The following XPNPEP1 variants were observed in gnomAD, a reference collection of about 807,000 sequenced individuals.
XPNPEP1 encodes X-prolyl aminopeptidase 1, also known as xaa-Pro aminopeptidase 1.
Under a neutral mutation model 92.4 loss-of-function variants are expected in XPNPEP1, and 39 were observed. The ratio of observed to expected loss-of-function variants is 0.42; its 90% CI spans 0.33 to 0.55. The LOEUF is 0.55. XPNPEP1 is among the 20% of genes least tolerant of loss of function. The pLI, the probability that XPNPEP1 is intolerant of heterozygous loss-of-function variation, is 0.08. For synonymous variants in XPNPEP1, 307 were observed against 299.4 expected, an observed-to-expected ratio of 1.03 and a Z score of -0.26; for missense variants, 654 against 856.1, an observed-to-expected ratio of 0.76 and a Z score of 2.95.
At chr10:109,884,262 T>A (rs914920984) in intron 8 of XPNPEP1, 114 bp from the exon 9 acceptor site, 3 of 1,006,268 alleles carry the variant, frequency 3.0e-6, no homozygotes, top group African/African-American at 1.6e-5. Flanking sequence ...AAGGATTCAG[T>A]GGAATCGCAC....
At chr10:109,891,109 T>C (rs1245610546) in intron 5 of XPNPEP1, among the ~76,000 whole-genome samples, 1 of 152,196 alleles carries the variant, frequency 6.6e-6, no homozygotes, top group African/African-American at 2.4e-5. Flanking sequence ...ACAGAGTATA[T>C]ACACACATTA....
intron 20 of XPNPEP1, among the ~76,000 whole-genome samples, 158 bp downstream of exon 20, chr10:109,868,456 T>C (rs560274473): frequency 1.3e-5 from 2 of 151,978 alleles, no homozygotes; most frequent in East Asian, 3.9e-4. Context: ...TCAGAAAACC[T>C]AGGGCTTTCA....
chr10:109,901,422 T>C (rs1421158918), intron 3 of XPNPEP1, among the ~76,000 whole-genome samples: 2 of 152,154 alleles, frequency 1.3e-5, no homozygotes, highest in Admixed American at 1.3e-4. Context: ...TAAAAAAAGA[T>C]TTCCATGGTA....
intron 11 of XPNPEP1, 83 bp from the exon 12 acceptor site, chr10:109,880,321 G>T (rs1848020338): frequency 2.8e-6 from 4 of 1,415,752 alleles, no homozygotes; most frequent in Non-Finnish European, 3.0e-6. Context: ...ATGCAATACT[G>T]AGAAGGCTGT....
At position 109,864,903 on chromosome 10, in the gene XPNPEP1, G is replaced by A. The variant is rs757403122; in HGVS notation, c.*281C>T. On this transcript the variant is annotated 3_prime_UTR_variant, in exon 21 of 21. Coordinates refer to ENST00000502935, the MANE Select transcript of XPNPEP1 (RefSeq NM_020383.4). ...TTCCCCATCACTGGCCAAAGAAGTCGGGGCATCTTCCTTTCACCAAGTGTT... is the reference window on the plus strand; with the variant it reads ...TTCCCCATCACTGGCCAAAGAAGTCAGGGCATCTTCCTTTCACCAAGTGTT... 2.7e-5 allele frequency: 11 copies of A among 411,814 alleles called. No individual in the cohort carries two copies. The highest frequency in any genetic ancestry group is 1.0e-4 in the African/African-American group (5 of 49,520). The allele number at this position is 411,814 out of a possible 1,614,324, so 25.5% of individuals were successfully genotyped here. A position where few individuals can be genotyped will look rare whatever the true frequency, so the allele number is the denominator to read the frequency against.
chr10:109,891,554 T>G, intron 5 of XPNPEP1, 168 bp downstream of exon 5: 4 of 481,552 alleles, frequency 8.3e-6, no homozygotes, highest in Non-Finnish European at 1.4e-5. Flanking sequence ...TGAATGCACA[T>G]TGGTACGTAT....
chr10:109,904,505 C>T (rs1452527290), intron 3 of XPNPEP1, among the ~76,000 whole-genome samples: 1 of 151,958 alleles, frequency 6.6e-6, no homozygotes, highest in East Asian at 1.9e-4. Context: ...ATTCCATGGA[C>T]ATTTAAGTCT....
At chr10:109,882,305 C>T in intron 10 of XPNPEP1, 127 bp downstream of exon 10, 1 of 1,065,714 alleles carries the variant, frequency 9.4e-7, no homozygotes, top group Non-Finnish European at 1.3e-6. Flanking sequence ...AGCTTTAAGG[C>T]CTCATCCATG....
chr10:109,865,134 T>G lies in XPNPEP1; in HGVS notation c.*50A>C. On this transcript the variant is annotated 3_prime_UTR_variant, in exon 21 of 21. Coordinates refer to ENST00000502935, the MANE Select transcript of XPNPEP1 (RefSeq NM_020383.4). ...AAAGATGTCAGGGATCTGCCACGTTTCTTCCTTCCTCCAGAGCATTTTACA... is the reference window on the plus strand; with the variant it reads ...AAAGATGTCAGGGATCTGCCACGTTGCTTCCTTCCTCCAGAGCATTTTACA... 1 of 1,608,856 alleles carries G rather than the reference T, an allele frequency of 6.2e-7. No homozygotes were observed. Among genetic ancestry groups the G allele is most frequent in the Non-Finnish European group, 8.5e-7 (1 of 1,175,664 alleles).
intron 3 of XPNPEP1, among the ~76,000 whole-genome samples, chr10:109,899,120 T>C (rs907188031): frequency 7.2e-5 from 11 of 152,218 alleles, no homozygotes; most frequent in Admixed American, 2.0e-4. Flanking sequence ...GGCATTTTTT[T>C]CTCTCCTAAA....
intron 20 of XPNPEP1, among the ~76,000 whole-genome samples, chr10:109,865,541 T>C (rs552005266): frequency 9.8e-5 from 15 of 152,356 alleles, no homozygotes; most frequent in African/African-American, 3.6e-4. Context: ...CAGAACAGTT[T>C]ACTATTATAG....
chr10:109,891,902 G>T, intron 4 of XPNPEP1, 76 bp from the exon 5 acceptor site: 1 of 1,450,636 alleles, frequency 6.9e-7, no homozygotes, highest in Non-Finnish European at 9.5e-7. Flanking sequence ...AATGACAGTA[G>T]ACAGGCAAGA....
chr10:109,872,972 C>T (rs561038289), intron 16 of XPNPEP1, among the ~76,000 whole-genome samples: 13 of 152,204 alleles, frequency 8.5e-5, no homozygotes, highest in African/African-American at 2.9e-4. Flanking sequence ...CAGAAAGTTT[C>T]CAGAGAGTTA....
At chr10:109,870,314 C>T (rs187493722) in intron 18 of XPNPEP1, among the ~76,000 whole-genome samples, 8 of 143,646 alleles carry the variant, frequency 5.6e-5, no homozygotes, top group East Asian at 4.3e-4. Flanking sequence ...GGTTCACATC[C>T]GTAAGACACA....
rs368555577 is a variant in XPNPEP1, at chr10:109,877,894, T to C, written c.1242-27A>G. On this transcript the variant is annotated intron_variant, in intron 13 of 20. Transcript: ENST00000502935. ...TGTAACAGAAAGACAGAAAGCAGAG[T>C]GGCTTAAAGGTTTTTACTGTGCTAA... The C allele has an allele frequency of 1.1e-3, 1,719 of 1,614,048 alleles. 14 individuals carry two copies. In the South Asian group the frequency reaches 0.012, roughly 11 times the overall value.
intron 18 of XPNPEP1, among the ~76,000 whole-genome samples, chr10:109,870,232 A>G (rs1847379533): frequency 6.6e-6 from 1 of 152,244 alleles, no homozygotes; most frequent in Admixed American, 6.5e-5. Context: ...GCAGAAAGCT[A>G]GACTCTGAAG....
chr10:109,877,709 G>A (rs1356761970), intron 14 of XPNPEP1, 81 bp downstream of exon 14: 4 of 1,551,074 alleles, frequency 2.6e-6, no homozygotes, highest in East Asian at 4.5e-5. Context: ...AGAGGCCTCT[G>A]GTAAAATAAT....
intron 20 of XPNPEP1, among the ~76,000 whole-genome samples, chr10:109,865,986 C>T (rs968096875): frequency 6.6e-6 from 1 of 152,148 alleles, no homozygotes; most frequent in African/African-American, 2.4e-5. Flanking sequence ...ATGGCAAAAG[C>T]TCTGAGGCAG....
At chr10:109,918,566 C>T (rs1238310547) in intron 1 of XPNPEP1, among the ~76,000 whole-genome samples, 1 of 152,072 alleles carries the variant, frequency 6.6e-6, no homozygotes, top group African/African-American at 2.4e-5. Flanking sequence ...TCCAGACCAT[C>T]CTGGCTAACA....
Sources: allele counts gnomAD v4.1 joint callset (sites outside exome capture counted in the v4.1 genomes callset), GRCh38; gene constraint gnomAD v4.1.1; transcripts MANE v1.5; gene names NCBI Gene and HGNC (gene_info 2026-07-23, HGNC 2026-07-21).